NRXN3: variants seen among roughly 807,000 people sequenced by gnomAD.
The protein encoded by NRXN3 is neurexin 3.
NRXN3 carries 32 observed loss-of-function variants against 137.6 expected under a neutral mutation model. The observed-to-expected ratio is 0.23, with a 90% CI of 0.18 to 0.31. NRXN3 has a LOEUF of 0.31. NRXN3 is among the 10% of genes least tolerant of loss of function. The pLI is 1.00. For missense variants in NRXN3, 1,574 were observed against 2,062.5 expected (o/e 0.76, Z 4.59); for synonymous variants, 798 against 784.5 (o/e 1.02, Z -0.29).
intron 10 of NRXN3, among the ~76,000 whole-genome samples, chr14:78,834,009 G>A (rs2098989429): frequency 6.6e-6 from 1 of 152,154 alleles, no homozygotes; most frequent in African/African-American, 2.4e-5. Flanking sequence ...TGTGCAGAAG[G>A]TAAGGCTAGG....
At chr14:79,387,518 G>C (rs1446516533) in intron 15 of NRXN3, among the ~76,000 whole-genome samples, 73 of 152,252 alleles carry the variant, frequency 4.8e-4, no homozygotes, top group Non-Finnish European at 8.8e-5. Flanking sequence ...CTGTAAACTA[G>C]TTCAACCATT....
At chr14:78,843,597 C>A (rs2099018763) in intron 10 of NRXN3, among the ~76,000 whole-genome samples, 1 of 152,078 alleles carries the variant, frequency 6.6e-6, no homozygotes, top group South Asian at 2.1e-4. Context: ...GAATTTGCTT[C>A]TTCAGTGTCA....
At chr14:78,655,613 A>G (rs1431508020) in intron 6 of NRXN3, among the ~76,000 whole-genome samples, 2 of 152,186 alleles carry the variant, frequency 1.3e-5, no homozygotes, top group Admixed American at 6.5e-5. Flanking sequence ...CTATTTGCTT[A>G]CAAATATTTC....
intron 20 of NRXN3, among the ~76,000 whole-genome samples, chr14:79,830,506 C>G (rs1480816496): frequency 6.6e-6 from 1 of 152,130 alleles, no homozygotes; most frequent in African/African-American, 2.4e-5. Flanking sequence ...TTTTCTTCCA[C>G]AAGTACCCAA....
chr14:79,101,354 T>C (rs2051262283), intron 15 of NRXN3, among the ~76,000 whole-genome samples: 1 of 152,208 alleles, frequency 6.6e-6, no homozygotes, highest in South Asian at 2.1e-4. Context: ...TTCCTGAAGT[T>C]TCCCCACCTT....
chr14:79,431,841 G>A (rs578188575), intron 15 of NRXN3, among the ~76,000 whole-genome samples: 22 of 151,760 alleles, frequency 1.4e-4, no homozygotes, highest in Admixed American at 9.9e-4. Context: ...AAATTATGTT[G>A]ACTCTTCATC....
chr14:79,536,905 T>G (rs1209535361), intron 16 of NRXN3, among the ~76,000 whole-genome samples: 1 of 152,212 alleles, frequency 6.6e-6, no homozygotes, highest in African/African-American at 2.4e-5. Context: ...TTGTGAATAG[T>G]GCTCCAATGA....
At chr14:78,775,862 A>G (rs1284070062) in intron 8 of NRXN3, among the ~76,000 whole-genome samples, 1 of 152,212 alleles carries the variant, frequency 6.6e-6, no homozygotes, top group Admixed American at 6.5e-5. Context: ...AAACTATTAA[A>G]TGGAACATTC....
chr14:78,813,029 AT>A (rs33918677), intron 10 of NRXN3, among the ~76,000 whole-genome samples: 151,627 of 152,186 alleles, frequency 1, 75,535 homozygotes, highest in South Asian at 1. Flanking sequence ...AATATAATAC[AT>A]TTTTTTTCTG....
chr14:78,380,757 A>G (rs1053183844), intron 4 of NRXN3, among the ~76,000 whole-genome samples: 5 of 150,568 alleles, frequency 3.3e-5, no homozygotes, highest in Non-Finnish European at 7.4e-5. Context: ...ACTAATACAC[A>G]GGTTGAACAC....
intron 1 of NRXN3, among the ~76,000 whole-genome samples, chr14:78,197,808 A>C (rs557335295): frequency 6.6e-6 from 1 of 151,990 alleles, no homozygotes; most frequent in East Asian, 1.9e-4. Context: ...ATCAGGGAGG[A>C]GAGGGGATGG....
intron 19 of NRXN3, among the ~76,000 whole-genome samples, chr14:79,752,803 T>G (rs1283932350): frequency 6.6e-6 from 1 of 151,816 alleles, no homozygotes; most frequent in East Asian, 1.9e-4. Flanking sequence ...GGGAGAAAAT[T>G]TTCACAACCT....
chr14:78,346,912 C>T (rs532624925), intron 4 of NRXN3, among the ~76,000 whole-genome samples: 2 of 152,184 alleles, frequency 1.3e-5, no homozygotes, highest in South Asian at 2.1e-4. Flanking sequence ...CATGTTTTTA[C>T]GTGCAGGGAA....
intron 15 of NRXN3, among the ~76,000 whole-genome samples, chr14:79,181,929 T>C (rs1412413028): frequency 5.9e-5 from 9 of 152,110 alleles, no homozygotes; most frequent in Non-Finnish European, 1.2e-4. Flanking sequence ...TAAACATGAC[T>C]TGGGAATTAG....
chr14:78,585,793 T>C (rs911059013), intron 4 of NRXN3, among the ~76,000 whole-genome samples: 6 of 152,024 alleles, frequency 3.9e-5, no homozygotes, highest in African/African-American at 1.4e-4. Flanking sequence ...ATATTAGGGG[T>C]TCAGCTTTGG....
chr14:78,321,448 T>G (rs1157390673), intron 4 of NRXN3, among the ~76,000 whole-genome samples: 1 of 152,114 alleles, frequency 6.6e-6, no homozygotes, highest in Non-Finnish European at 1.5e-5. Flanking sequence ...TCATAAATAT[T>G]TGTATGTGAA....
At chr14:79,549,430 T>A (rs1227233248) in intron 16 of NRXN3, among the ~76,000 whole-genome samples, 1 of 152,162 alleles carries the variant, frequency 6.6e-6, no homozygotes, top group Non-Finnish European at 1.5e-5. Context: ...CATAATGAGA[T>A]ACCATACATG....
chr14:78,967,652 T>G (rs1397597945), intron 13 of NRXN3, among the ~76,000 whole-genome samples: 2 of 152,038 alleles, frequency 1.3e-5, no homozygotes, highest in Non-Finnish European at 2.9e-5. Context: ...ACAGGATGAG[T>G]GTCAAAGTGT....
At chr14:79,625,188 CTTCTTT>C (rs1444640123) in intron 16 of NRXN3, among the ~76,000 whole-genome samples, 1 of 152,148 alleles carries the variant, frequency 6.6e-6, no homozygotes, top group African/African-American at 2.4e-5. Flanking sequence ...GCAAGATCTC[CTTCTTT>C]TTAAGACTAA....
Sources: allele counts gnomAD v4.1 joint callset (sites outside exome capture counted in the v4.1 genomes callset), GRCh38; gene constraint gnomAD v4.1.1; transcripts MANE v1.5; gene names NCBI Gene and HGNC (gene_info 2026-07-23, HGNC 2026-07-21).